The following HYDIN variants were observed in gnomAD, a reference collection of about 807,000 sequenced individuals.
HYDIN encodes axonemal central pair apparatus protein HYDIN.
Under a neutral mutation model 403.9 loss-of-function variants are expected in HYDIN, and 132 were observed. The ratio of observed to expected loss-of-function variants is 0.33; its 90% CI spans 0.28 to 0.38. HYDIN has a LOEUF of 0.38. HYDIN is among the 10% of genes least tolerant of loss of function. The pLI, the probability that HYDIN is intolerant of heterozygous loss-of-function variation, is 1.00. For missense variants in HYDIN, 2,827 were observed against 5,009.5 expected (o/e 0.56, Z 13.15); for synonymous variants, 1,202 against 1,891.7 (o/e 0.64, Z 9.46).
intron 25 of HYDIN, among the ~76,000 whole-genome samples, chr16:70,988,981 A>G (rs957663180): frequency 6.6e-6 from 1 of 152,082 alleles, no homozygotes; most frequent in Non-Finnish European, 1.5e-5. Flanking sequence ...GGGTAGAAAG[A>G]AGATGGGAAT....
chr16:70,921,321 G>A (rs983037833), intron 45 of HYDIN, 104 bp from the exon 46 acceptor site: 21 of 1,257,368 alleles, frequency 1.7e-5, no homozygotes, highest in Admixed American at 1.1e-4. Context: ...GAAGGTCTCC[G>A]AGGATCTGGG....
Position 70,943,638 on chromosome 16 carries a change from T to C in HYDIN, c.6669+174A>G, listed in dbSNP as rs531917062. On this transcript the variant is annotated intron_variant, in intron 42 of 85. Transcript: ENST00000393567. ...GAAGAAGGTGAATGGCTTCAGGCTG[T>C]AGACCGGGCCAGGGTCAGGGGTCGA... Among the ~76,000 whole-genome samples the C allele has an allele frequency of 9.8e-5, 15 of 152,322 alleles. No homozygotes were observed. In the East Asian group the frequency reaches 2.9e-3, roughly 29 times the overall value.
chr16:70,882,052 T>C (rs907290413), intron 60 of HYDIN, among the ~76,000 whole-genome samples: 3 of 152,258 alleles, frequency 2.0e-5, no homozygotes, highest in East Asian at 3.8e-4. Flanking sequence ...AATTATTTCA[T>C]CTTGTATGTG....
In HYDIN at chr16:71,183,972, C is replaced by T. The variant is rs567314911; in HGVS notation, c.261+893G>A. Among the ~76,000 whole-genome samples, 6 of 152,136 alleles carry T rather than the reference C, an allele frequency of 3.9e-5. No individual in the cohort carries two copies. The South Asian group carries it at 1.2e-3, about 32-fold the overall frequency. ...TGCTTTCAGAAAAGAGGAAATGGTC[C>T]TTAATTAGAAGAAATGTCTTGGAAA... On this transcript the variant is annotated intron_variant, in intron 3 of 85. Coordinates refer to ENST00000393567, the MANE Select transcript of HYDIN (RefSeq NM_001270974.2).
chr16:71,086,284 T>C (rs1259319874), intron 12 of HYDIN, among the ~76,000 whole-genome samples: 1 of 152,176 alleles, frequency 6.6e-6, no homozygotes, highest in African/African-American at 2.4e-5. Flanking sequence ...ATACATGAGT[T>C]CTTGCACCTA....
In HYDIN at chr16:70,961,950, C is replaced by G; in HGVS notation, c.5968+9G>C. 1 of 1,177,502 alleles carries G rather than the reference C, an allele frequency of 8.5e-7. No individual in the cohort carries two copies. Among genetic ancestry groups the G allele is most frequent in the Non-Finnish European group, 1.1e-6 (1 of 896,864 alleles). 72.9% of individuals were successfully genotyped at this position (1,177,502 alleles called of 1,614,324 possible). A position where few individuals can be genotyped will look rare whatever the true frequency, so the allele number is the denominator to read the frequency against. On this transcript the variant is annotated intron_variant, in intron 38 of 85. Coordinates refer to ENST00000393567, the MANE Select transcript of HYDIN (RefSeq NM_001270974.2). The stretch of plus-strand genomic sequence containing the variant: ...GAACTAGTATCAAAACACTAAAATG[C>G]TCGGTTACTTTGGAAAATGATTTTT...
At chr16:70,942,379 C>G (rs2077706887) in intron 42 of HYDIN, among the ~76,000 whole-genome samples, 1 of 151,656 alleles carries the variant, frequency 6.6e-6, no homozygotes, top group Non-Finnish European at 1.5e-5. Context: ...AATAAATGAA[C>G]AAACAAAAAT....
At chr16:70,892,640 C>T in intron 55 of HYDIN, 111 bp from the exon 56 acceptor site, 1 of 1,039,108 alleles carries the variant, frequency 9.6e-7, no homozygotes, top group Non-Finnish European at 1.4e-6. Context: ...CCCTGTTTAG[C>T]CACTACGTCC....
chr16:70,890,726 GAATT>G (rs2041415254), intron 57 of HYDIN, among the ~76,000 whole-genome samples: 1 of 151,838 alleles, frequency 6.6e-6, no homozygotes, highest in East Asian at 1.9e-4. Context: ...TGTTTTGGGT[GAATT>G]GATTGACAGC....
intron 41 of HYDIN, among the ~76,000 whole-genome samples, chr16:70,946,893 T>A (rs536517567): frequency 1.3e-5 from 2 of 152,192 alleles, no homozygotes; most frequent in African/African-American, 4.8e-5. Flanking sequence ...TGATTTTGTA[T>A]CCTGAGACTT....
chr16:70,883,019 G>A (rs2040906879), intron 59 of HYDIN, 124 bp from the exon 60 acceptor site: 4 of 734,350 alleles, frequency 5.4e-6, no homozygotes, highest in South Asian at 4.9e-5. Flanking sequence ...GCGAAGTCAT[G>A]CAAGGGGGTG....
At chr16:70,889,487 G>A (rs1208669763) in intron 58 of HYDIN, 100 bp downstream of exon 58, 1 of 278,790 alleles carries the variant, frequency 3.6e-6, no homozygotes, top group Admixed American at 9.5e-5. Flanking sequence ...CTGCCATGAT[G>A]GATTCAAATC....
chr16:71,115,944 T>C (rs1210067681), intron 9 of HYDIN, 149 bp from the exon 10 acceptor site: 3 of 581,466 alleles, frequency 5.2e-6, no homozygotes, highest in Non-Finnish European at 9.2e-6. Flanking sequence ...TATATTTGTA[T>C]AGTGAAATGA....
At chr16:71,081,048 C>T (rs1161903851) in intron 12 of HYDIN, 4 of 150,776 alleles carry the variant, frequency 2.7e-5, no homozygotes, top group Non-Finnish European at 5.9e-5. Context: ...CTGATTTTAG[C>T]CTAGCTAGAC....
chr16:70,986,756 A>ACC, intron 27 of HYDIN, among the ~76,000 whole-genome samples: 2 of 129,632 alleles, frequency 1.5e-5, no homozygotes, highest in Non-Finnish European at 3.2e-5. Flanking sequence ...TGTAAAGTAA[A>ACC]AGATAACCCT....
chr16:70,817,677 G>A lies in HYDIN; in HGVS notation c.14658+665C>T, dbSNP rs1239543632. The stretch of plus-strand genomic sequence containing the variant: ...CCTTCCTGAAGTAGTGTGTGTGTGC[G>A]CACACTATTACATCCCTTGTTTTCC... On this transcript the variant is annotated intron_variant, in intron 84 of 85. Coordinates refer to ENST00000393567, the MANE Select transcript of HYDIN (RefSeq NM_001270974.2). Among the ~76,000 whole-genome samples the A allele has an allele frequency of 5.3e-5, 8 of 152,212 alleles. No individual in the cohort carries two copies. In the South Asian group the frequency reaches 1.0e-3, roughly 20 times the overall value.
At chr16:71,115,583 C>T (rs989650718) in intron 10 of HYDIN, 113 bp downstream of exon 10, 202 of 643,060 alleles carry the variant, frequency 3.1e-4, no homozygotes, top group Non-Finnish European at 4.4e-4. Context: ...TATCATGTAC[C>T]GCCCATGGCA....
rs1395490887 is a variant in HYDIN, at chr16:70,803,832, C to A, written c.*3748G>T. ...TAAAGAAGTGGTTAGACTTAGCATGCCACACTCACTGGGGGCCCAGTGTGG... is the reference window on the plus strand; with the variant it reads ...TAAAGAAGTGGTTAGACTTAGCATGACACACTCACTGGGGGCCCAGTGTGG... On this transcript the variant is annotated 3_prime_UTR_variant, in exon 86 of 86. Coordinates refer to ENST00000393567, the MANE Select transcript of HYDIN (RefSeq NM_001270974.2). Among the ~76,000 whole-genome samples the A allele has an allele frequency of 2.6e-5, 4 of 152,166 alleles. No homozygotes were observed. Among genetic ancestry groups the A allele is most frequent in the Non-Finnish European group, 4.4e-5 (3 of 68,022 alleles).
intron 1 of HYDIN, among the ~76,000 whole-genome samples, chr16:71,218,635 G>A (rs566197389): frequency 1.3e-5 from 2 of 152,306 alleles, no homozygotes; most frequent in East Asian, 3.9e-4. Context: ...TATTGTGAAA[G>A]AGTATGTTGC....
Sources: allele counts gnomAD v4.1 joint callset (sites outside exome capture counted in the v4.1 genomes callset), GRCh38; gene constraint gnomAD v4.1.1; transcripts MANE v1.5; gene names NCBI Gene and HGNC (gene_info 2026-07-23, HGNC 2026-07-21).